Variants in SSH2 observed in about 807,000 individuals in gnomAD.
SSH2 encodes the protein slingshot protein phosphatase 2, also known as protein phosphatase Slingshot homolog 2.
Under a neutral mutation model 135.2 loss-of-function variants are expected in SSH2, and 37 were observed. The ratio of observed to expected loss-of-function variants is 0.27; its 90% confidence interval spans 0.21 to 0.36. The LOEUF is 0.36. SSH2 is among the 10% of genes least tolerant of loss of function. The probability of loss-of-function intolerance (pLI) is 1.00; values close to 1 mark genes in which losing one functional copy is unlikely to be tolerated. For missense variants in SSH2, 1,408 were observed against 1,765.3 expected (o/e 0.80, Z 3.63); for synonymous variants, 628 against 646.2 (o/e 0.97, Z 0.43).
At chr17:29,647,822 C>T in intron 14 of SSH2, 1 of 271,638 alleles carries the variant, frequency 3.7e-6, no homozygotes. Context: ...ATCATCATGC[C>T]CAGCTAATAT....
At chr17:29,641,107 A>G (rs2036142498) in intron 14 of SSH2, among the ~76,000 whole-genome samples, 1 of 152,098 alleles carries the variant, frequency 6.6e-6, no homozygotes, top group Admixed American at 6.5e-5. Flanking sequence ...ACAGGGTATC[A>G]CCATGTTGGA....
intron 13 of SSH2, 76 bp downstream of exon 13, chr17:29,650,578 T>C (rs2036546709): frequency 2.2e-6 from 3 of 1,389,354 alleles, no homozygotes; most frequent in South Asian, 1.5e-5. Context: ...AAGTTGTCTA[T>C]AGCCCTCAGG....
At chr17:29,662,649 A>C (rs1462418698) in intron 11 of SSH2, among the ~76,000 whole-genome samples, 2 of 152,050 alleles carry the variant, frequency 1.3e-5, no homozygotes, top group African/African-American at 4.8e-5. Flanking sequence ...TTTAACTTTT[A>C]AGTTCAGGGG....
intron 1 of SSH2, among the ~76,000 whole-genome samples, chr17:29,907,596 T>C (rs1326519909): frequency 6.6e-6 from 1 of 152,282 alleles, no homozygotes; most frequent in Non-Finnish European, 1.5e-5. Flanking sequence ...AGCTCTGTTA[T>C]GTTTGTTAAA....
intron 1 of SSH2, among the ~76,000 whole-genome samples, chr17:29,924,638 T>G (rs1245878675): frequency 6.7e-6 from 1 of 148,884 alleles, no homozygotes; most frequent in Non-Finnish European, 1.5e-5. Flanking sequence ...TACTTGTGGG[T>G]TTTTTTTTTC....
chr17:29,655,501 T>A, intron 12 of SSH2, 60 bp downstream of exon 12: 1 of 1,480,482 alleles, frequency 6.8e-7, no homozygotes, highest in Non-Finnish European at 9.5e-7. Flanking sequence ...GATGGGAAAA[T>A]GAAGATAAAA....
chr17:29,850,786 C>G (rs761267989), intron 1 of SSH2, among the ~76,000 whole-genome samples: 10 of 152,148 alleles, frequency 6.6e-5, no homozygotes, highest in Non-Finnish European at 1.3e-4. Context: ...GAGATCAAGA[C>G]CATCCTGACT....
rs1473865548 is a variant in SSH2, at chr17:29,684,795, C to T, written c.358-111G>A. ...AGCATACTCACGAAGGCAGCAGAGC[C>T]AGTAGTTAGGAGACATAAATTAAAA... On this transcript the variant is annotated intron_variant, in intron 5 of 15. Transcript: ENST00000540801. The T allele has an allele frequency of 1.1e-5, 11 of 974,506 alleles. No individual in the cohort carries two copies. In the African/African-American group the frequency reaches 1.7e-4, roughly 15 times the overall value. 60.4% of individuals were successfully genotyped at this position (974,506 alleles called of 1,614,324 possible).
intron 3 of SSH2, among the ~76,000 whole-genome samples, chr17:29,736,120 AT>A (rs2040355563): frequency 1.3e-5 from 2 of 152,088 alleles, no homozygotes; most frequent in Admixed American, 6.6e-5. Context: ...AAAAAATTCT[AT>A]ATTACAAAGA....
At chr17:29,792,169 C>T (rs1405794491) in intron 3 of SSH2, among the ~76,000 whole-genome samples, 1 of 151,970 alleles carries the variant, frequency 6.6e-6, no homozygotes, top group East Asian at 1.9e-4. Context: ...TACCAAAGTG[C>T]TGGGATTACA....
intron 1 of SSH2, among the ~76,000 whole-genome samples, chr17:29,896,624 C>G (rs1276432163): frequency 1.3e-5 from 2 of 151,100 alleles, no homozygotes; most frequent in Non-Finnish European, 3.0e-5. Flanking sequence ...TCCATTCAAT[C>G]CCATTCCCAC....
chr17:29,855,482 A>C (rs977183563), intron 1 of SSH2, among the ~76,000 whole-genome samples: 10 of 152,164 alleles, frequency 6.6e-5, no homozygotes, highest in Non-Finnish European at 2.9e-5. Flanking sequence ...TCCCGCCTGC[A>C]CAATAAAGTG....
chr17:29,867,401 C>T (rs1411941795), intron 1 of SSH2, among the ~76,000 whole-genome samples: 1 of 152,138 alleles, frequency 6.6e-6, no homozygotes, highest in African/African-American at 2.4e-5. Context: ...CCAGCCCCTG[C>T]CACAAAAACA....
At chr17:29,734,972 T>C (rs1191332655) in intron 3 of SSH2, among the ~76,000 whole-genome samples, 1 of 152,176 alleles carries the variant, frequency 6.6e-6, no homozygotes, top group Non-Finnish European at 1.5e-5. Flanking sequence ...AAGAGTTTAC[T>C]TGGGTTTCTA....
At chr17:29,795,359 CTCTG>C (rs1003848217) in intron 2 of SSH2, among the ~76,000 whole-genome samples, 2 of 152,224 alleles carry the variant, frequency 1.3e-5, no homozygotes, top group African/African-American at 4.8e-5. Flanking sequence ...ATGTCTTTCT[CTCTG>C]TCTCTCTTTT....
rs35452901 is a variant in SSH2 at position 29,773,019 on chromosome 17, G to GTCCATCCA, written c.188+20867_188+20874dup. Among the ~76,000 whole-genome samples, 1,382 of 146,986 alleles carry GTCCATCCA rather than the reference G, an allele frequency of 9.4e-3. 22 individuals carry two copies. The highest frequency in any genetic ancestry group is 0.027 in the African/African-American group (1,067 of 39,618). ...AATTGCATGAGCCAATTCCCCATCTGTCCATCCATCCATCCATCCATCCAT... is the reference window on the plus strand; with the variant it reads ...AATTGCATGAGCCAATTCCCCATCTGTCCATCCATCCATCCATCCATCCATCCATCCAT... On this transcript the variant is annotated intron_variant, in intron 3 of 15. Transcript: ENST00000540801.
intron 1 of SSH2, among the ~76,000 whole-genome samples, chr17:29,918,893 T>G (rs2066926926): frequency 6.6e-6 from 1 of 151,554 alleles, no homozygotes; most frequent in Non-Finnish European, 1.5e-5. Flanking sequence ...GCCAAGATCG[T>G]GCCACTGCAC....
chr17:29,913,342 A>T (rs2066803561), intron 1 of SSH2, among the ~76,000 whole-genome samples: 1 of 53,592 alleles, frequency 1.9e-5, no homozygotes, highest in Non-Finnish European at 3.8e-5. Flanking sequence ...AAAAAAAAAA[A>T]AAAAAATATA....
At chr17:29,828,071 A>G (rs2042777242) in intron 2 of SSH2, among the ~76,000 whole-genome samples, 1 of 152,178 alleles carries the variant, frequency 6.6e-6, no homozygotes, top group Non-Finnish European at 1.5e-5. Context: ...ATGGAGGTAG[A>G]GCCATCATGT....
Sources: allele counts gnomAD v4.1 joint callset (sites outside exome capture counted in the v4.1 genomes callset), GRCh38; gene constraint gnomAD v4.1.1; transcripts MANE v1.5; gene names NCBI Gene and HGNC (gene_info 2026-07-23, HGNC 2026-07-21).